The following ABR variants were observed in gnomAD, a reference collection of about 807,000 sequenced individuals.
ABR encodes the protein active breakpoint cluster region-related protein.
ABR carries 35 observed loss-of-function variants against 107.2 expected under a neutral mutation model. The ratio of observed to expected loss-of-function variants is 0.33; its 90% CI spans 0.25 to 0.43. ABR has a LOEUF of 0.43. ABR is among the 20% of genes least tolerant of loss of function. The pLI is 1.00. For missense variants in ABR, 815 were observed against 1,115.2 expected, an observed-to-expected ratio of 0.73 and a Z score of 3.83; for synonymous variants, 498 against 462.0, an observed-to-expected ratio of 1.08 and a Z score of -1.00.
chr17:1,038,696 T>C (rs1309105977), intron 16 of ABR, among the ~76,000 whole-genome samples: 1 of 152,214 alleles, frequency 6.6e-6, no homozygotes, highest in Non-Finnish European at 1.5e-5. Context: ...CACGAGGGGC[T>C]GCTGTGAGTC....
chr17:1,185,144 C>G (rs1449867069), intron 1 of ABR: 1 of 152,116 alleles, frequency 6.6e-6, no homozygotes, highest in African/African-American at 2.4e-5. Flanking sequence ...ATTTCAGAAC[C>G]CTCCCAGGGC....
upstream of ABR, among the ~76,000 whole-genome samples, chr17:1,188,040 A>G (rs1468795831): frequency 1.3e-5 from 2 of 151,216 alleles, no homozygotes; most frequent in Non-Finnish European, 2.9e-5. Flanking sequence ...ATGTGGTGAA[A>G]CCCTGTCTCT....
intron 1 of ABR, among the ~76,000 whole-genome samples, chr17:1,129,643 C>T (rs539262864): frequency 6.6e-6 from 1 of 152,010 alleles, no homozygotes; most frequent in East Asian, 1.9e-4. Flanking sequence ...GCAACTTACT[C>T]CGAAATACAT....
At chr17:1,197,956 T>C (rs1598110984) in intron 1 of ABR, among the ~76,000 whole-genome samples, 1 of 151,738 alleles carries the variant, frequency 6.6e-6, no homozygotes, top group African/African-American at 2.4e-5. Flanking sequence ...TGCAGGCAGC[T>C]GAGACAGGAA....
chr17:1,197,909 CA>C (rs1194756078), intron 1 of ABR, among the ~76,000 whole-genome samples: 2 of 151,630 alleles, frequency 1.3e-5, no homozygotes, highest in Non-Finnish European at 2.9e-5. Context: ...GCTTTGGGGG[CA>C]AATACACCCT....
upstream of ABR, among the ~76,000 whole-genome samples, chr17:1,181,605 T>G (rs2042136141): frequency 6.6e-6 from 1 of 151,984 alleles, no homozygotes; most frequent in Non-Finnish European, 1.5e-5. Context: ...GGCGTGCATC[T>G]CCAATGAGAC....
intron 1 of ABR, among the ~76,000 whole-genome samples, chr17:1,220,781 TCA>T (rs1352438234): frequency 1.3e-5 from 2 of 152,186 alleles, no homozygotes; most frequent in East Asian, 3.8e-4. Flanking sequence ...TGTATTTTTT[TCA>T]CTGAACTTCT....
At chr17:1,190,789 G>A (rs137950975), upstream of ABR, among the ~76,000 whole-genome samples, 206 of 152,344 alleles carry the variant, frequency 1.4e-3, 2 homozygotes, top group African/African-American at 4.5e-3. Flanking sequence ...GGTTGCTCAC[G>A]GTATGCTCAA....
Position 1,027,501 on chromosome 17 carries a change from C to G in ABR, c.1792-14337G>C, listed in dbSNP as rs537227212. ...CGGACTCAAGCAAGCCTCTTGGGAG[C>G]TGGCCTGGCAGAGAGATCAGAGAGT... On this transcript the variant is annotated intron_variant, in intron 16 of 22. Transcript: ENST00000302538. This position sits in a 1 kb window ranked among gnomAD's most constrained non-coding sequence, Gnocchi z 4.7. Among the ~76,000 whole-genome samples, 5 of 152,216 alleles carry G rather than the reference C, an allele frequency of 3.3e-5. No individual in the cohort carries two copies. Among genetic ancestry groups the G allele is most frequent in the Admixed American group, 1.3e-4 (2 of 15,284 alleles).
intron 16 of ABR, among the ~76,000 whole-genome samples, chr17:1,033,781 G>C (rs535299532): frequency 6.6e-6 from 1 of 152,094 alleles, no homozygotes; most frequent in Non-Finnish European, 1.5e-5. Context: ...GTGGAGAGAC[G>C]GACGGAGGTA....
chr17:1,126,302 C>T (rs1426012414), intron 1 of ABR: 1 of 152,470 alleles, frequency 6.6e-6, no homozygotes, highest in African/African-American at 2.4e-5. Context: ...AAACCGGCCC[C>T]TGCCCCTTGG....
rs1416563541 is a variant in ABR, at chr17:1,113,277, G to GGTTTTTTTTTTTT, written c.246+11905_246+11906insAAAAAAAAAAAAC. Among the ~76,000 whole-genome samples the GGTTTTTTTTTTTT allele has an allele frequency of 9.1e-5, 8 of 88,172 alleles. 4 individuals are homozygous for GGTTTTTTTTTTTT. The highest frequency in any genetic ancestry group is 8.6e-5 in the Non-Finnish European group (4 of 46,544). The allele number at this position is 88,172 out of a possible 152,430, so 57.8% of individuals were successfully genotyped here. ...GGGATAACATGGAAACACCTATTGCGATTTTTTTTTTTTTTTTTTTTTTTT... is the reference window on the plus strand; with the variant it reads ...GGGATAACATGGAAACACCTATTGCGGTTTTTTTTTTTTATTTTTTTTTTTTTTTTTTTTTTTT... On this transcript the variant is annotated intron_variant, in intron 2 of 22. Coordinates refer to ENST00000302538, the MANE Select transcript of ABR (RefSeq NM_021962.5).
chr17:1,081,070 A>G (rs923003170), intron 5 of ABR, among the ~76,000 whole-genome samples: 4 of 152,066 alleles, frequency 2.6e-5, no homozygotes, highest in Non-Finnish European at 4.4e-5. Flanking sequence ...AGGCACAGAG[A>G]ACAGGCAATC....
At chr17:1,145,460 G>GA (rs1257999899) in intron 1 of ABR, among the ~76,000 whole-genome samples, 1 of 152,198 alleles carries the variant, frequency 6.6e-6, no homozygotes, top group Admixed American at 6.5e-5. Flanking sequence ...TTCCCTGTGG[G>GA]AAATGCCACT....
chr17:1,018,183 C>T (rs2071323376), intron 16 of ABR, among the ~76,000 whole-genome samples: 1 of 152,110 alleles, frequency 6.6e-6, no homozygotes, highest in Non-Finnish European at 1.5e-5. Flanking sequence ...GCTGGGACTA[C>T]AGGCGCCCGC....
chr17:1,016,673 C>T (rs974562862), intron 16 of ABR, among the ~76,000 whole-genome samples: 1 of 152,042 alleles, frequency 6.6e-6, no homozygotes, highest in Non-Finnish European at 1.5e-5. Flanking sequence ...CTGCGCACCC[C>T]GGGCCAAGCC....
At chr17:1,061,693 CCCA>C (rs1273782904) in intron 10 of ABR, among the ~76,000 whole-genome samples, 1 of 152,038 alleles carries the variant, frequency 6.6e-6, no homozygotes, top group East Asian at 1.9e-4. Context: ...ATTACAGGCA[CCCA>C]CCACCACACC....
Position 1,179,889 on chromosome 17 carries a change from C to T in ABR, c.-162G>A. 1 of 541,988 alleles carries T rather than the reference C, an allele frequency of 1.8e-6. No homozygotes were observed. Among genetic ancestry groups the T allele is most frequent in the South Asian group, 3.5e-5 (1 of 28,582 alleles). The allele number at this position is 541,988 out of a possible 1,614,324, so 33.6% of individuals were successfully genotyped here. ...GAGCGCGGGGCGGCCGGGGCAGGGG[C>T]GAGGGCGGGGCGGGAGCCCCCAAAA... On this transcript the variant is annotated 5_prime_UTR_variant, in exon 1 of 23. Coordinates refer to ENST00000302538, the MANE Select transcript of ABR (RefSeq NM_021962.5). The surrounding 1 kb of genome is among the most constrained non-coding windows in gnomAD (Gnocchi z 4.9).
chr17:1,070,357 G>A lies in ABR; in HGVS notation c.895-267C>T, dbSNP rs1287636556. Among the ~76,000 whole-genome samples the A allele has an allele frequency of 6.6e-6, 1 of 152,206 alleles. No homozygotes were observed. Among genetic ancestry groups the A allele is most frequent in the Non-Finnish European group, 1.5e-5 (1 of 68,038 alleles). On this transcript the variant is annotated intron_variant, in intron 8 of 22. Coordinates refer to ENST00000302538, the MANE Select transcript of ABR (RefSeq NM_021962.5). This position sits in a 1 kb window ranked among gnomAD's most constrained non-coding sequence, Gnocchi z 4.2. ...ACCTTCTGTTAAGTGCGGACAGTGA[G>A]GTCTGCCTCATAAGGTGACTCATCG...
Sources: allele counts gnomAD v4.1 joint callset (sites outside exome capture counted in the v4.1 genomes callset), GRCh38; gene constraint gnomAD v4.1.1; non-coding constraint Gnocchi (gnomAD v3.1); transcripts MANE v1.5; gene names NCBI Gene and HGNC (gene_info 2026-07-23, HGNC 2026-07-21).